NRXN3: variants seen among roughly 807,000 people sequenced by gnomAD.
NRXN3 encodes neurexin III.
Under a neutral mutation model 137.6 loss-of-function variants are expected in NRXN3, and 32 were observed. That is an observed-to-expected ratio of 0.23 (90% CI 0.18 to 0.31). NRXN3 has a LOEUF of 0.31. NRXN3 is among the 10% of genes least tolerant of loss of function. The pLI is 1.00. For missense variants in NRXN3, 1,574 were observed against 2,062.5 expected (o/e 0.76, Z 4.59); for synonymous variants, 798 against 784.5 (o/e 1.02, Z -0.29).
chr14:78,324,103 C>A (rs535675637), intron 4 of NRXN3, among the ~76,000 whole-genome samples: 6 of 152,026 alleles, frequency 3.9e-5, no homozygotes, highest in Non-Finnish European at 8.8e-5. Flanking sequence ...ATGAGAAACC[C>A]GAGCTGGGAT....
At chr14:78,350,874 A>G (rs1050109340) in intron 4 of NRXN3, among the ~76,000 whole-genome samples, 2 of 152,130 alleles carry the variant, frequency 1.3e-5, no homozygotes, top group African/African-American at 2.4e-5. Context: ...TAAAATAGAA[A>G]AATCTGGAGA....
chr14:79,633,046 C>A (rs2098372347), intron 16 of NRXN3, among the ~76,000 whole-genome samples: 1 of 152,118 alleles, frequency 6.6e-6, no homozygotes, highest in South Asian at 2.1e-4. Flanking sequence ...AAGGGATTTG[C>A]TCACAGCCAA....
chr14:78,239,197 C>A (rs1394325606), intron 1 of NRXN3, among the ~76,000 whole-genome samples: 1 of 152,266 alleles, frequency 6.6e-6, no homozygotes, highest in Non-Finnish European at 1.5e-5. Context: ...GTGGCAGACA[C>A]CGTGTTGAAG....
intron 15 of NRXN3, among the ~76,000 whole-genome samples, chr14:79,004,294 A>G (rs2099547703): frequency 6.6e-6 from 1 of 151,958 alleles, no homozygotes; most frequent in African/African-American, 2.4e-5. Context: ...ATCTCACTTT[A>G]TCATGCAGTG....
chr14:79,672,542 A>G (rs1184694524), intron 17 of NRXN3, among the ~76,000 whole-genome samples: 1 of 152,092 alleles, frequency 6.6e-6, no homozygotes, highest in African/African-American at 2.4e-5. Context: ...GTGAGGCATC[A>G]GTAATAACAT....
intron 8 of NRXN3, among the ~76,000 whole-genome samples, chr14:78,734,297 G>A (rs1336095233): frequency 6.6e-6 from 1 of 150,954 alleles, no homozygotes; most frequent in African/African-American, 2.4e-5. Context: ...TTACTTGAGA[G>A]ATAACATAAT....
chr14:78,631,185 C>A (rs2097519228), intron 4 of NRXN3, among the ~76,000 whole-genome samples: 1 of 152,170 alleles, frequency 6.6e-6, no homozygotes, highest in South Asian at 2.1e-4. Context: ...CAACTTCTAT[C>A]AGTAGCAAGA....
chr14:79,850,092 T>C (rs955981416), intron 20 of NRXN3, among the ~76,000 whole-genome samples: 1 of 152,232 alleles, frequency 6.6e-6, no homozygotes, highest in African/African-American at 2.4e-5. Context: ...TGTTTTTGTA[T>C]ATTTCATAGG....
intron 4 of NRXN3, among the ~76,000 whole-genome samples, chr14:78,574,803 A>G (rs778689752): frequency 1.4e-4 from 22 of 152,232 alleles, no homozygotes; most frequent in Non-Finnish European, 2.8e-4. Context: ...TGGGAAGGGC[A>G]TGACTGTTTT....
chr14:78,967,073 A>C, intron 12 of NRXN3, 135 bp from the exon 13 acceptor site: 1 of 699,606 alleles, frequency 1.4e-6, no homozygotes, highest in Non-Finnish European at 2.4e-6. Context: ...ACCTCATATC[A>C]AGATTTAAAT....
At chr14:79,186,763 T>C (rs2063585580) in intron 15 of NRXN3, among the ~76,000 whole-genome samples, 1 of 152,194 alleles carries the variant, frequency 6.6e-6, no homozygotes, top group Non-Finnish European at 1.5e-5. Context: ...TGCACATTCC[T>C]GTCTCATGAC....
intron 20 of NRXN3, among the ~76,000 whole-genome samples, chr14:79,836,563 T>C (rs1467748786): frequency 1.3e-5 from 2 of 152,168 alleles, no homozygotes; most frequent in African/African-American, 4.8e-5. Flanking sequence ...ACCTTTATAA[T>C]AGGAGTTCTC....
chr14:79,141,295 T>C (rs1195021766), intron 15 of NRXN3, among the ~76,000 whole-genome samples: 2 of 152,194 alleles, frequency 1.3e-5, no homozygotes, highest in Admixed American at 6.5e-5. Flanking sequence ...TAGTTTTCCT[T>C]TCCTTCTTTT....
At chr14:78,537,442 C>G (rs2096547082) in intron 4 of NRXN3, among the ~76,000 whole-genome samples, 1 of 152,164 alleles carries the variant, frequency 6.6e-6, no homozygotes, top group Non-Finnish European at 1.5e-5. Flanking sequence ...TCTTTGCCCA[C>G]TTTTTGGTGG....
At chr14:78,224,586 C>A (rs1194684784) in intron 1 of NRXN3, among the ~76,000 whole-genome samples, 4 of 151,960 alleles carry the variant, frequency 2.6e-5, no homozygotes, top group Non-Finnish European at 5.9e-5. Flanking sequence ...TCATCCATGT[C>A]CCTTCAAAGG....
chr14:79,769,633 T>C (rs937479610), intron 19 of NRXN3, among the ~76,000 whole-genome samples: 4 of 151,926 alleles, frequency 2.6e-5, no homozygotes, highest in Non-Finnish European at 5.9e-5. Context: ...GCGCTTAACA[T>C]GGAAAGGAAC....
intron 15 of NRXN3, among the ~76,000 whole-genome samples, chr14:79,122,203 G>A (rs530070694): frequency 6.6e-6 from 1 of 152,200 alleles, no homozygotes; most frequent in African/African-American, 2.4e-5. Context: ...TAACGTGAAG[G>A]TTTTCCAGGG....
intron 2 of NRXN3, among the ~76,000 whole-genome samples, chr14:78,259,422 A>C (rs2070304958): frequency 6.6e-6 from 1 of 152,128 alleles, no homozygotes; most frequent in Non-Finnish European, 1.5e-5. Flanking sequence ...GCTTTGGCTA[A>C]GTTTTTCTGA....
chr14:79,497,931 G>T (rs1307977517), intron 16 of NRXN3, among the ~76,000 whole-genome samples: 5 of 152,076 alleles, frequency 3.3e-5, no homozygotes, highest in Non-Finnish European at 7.4e-5. Context: ...CTACTTGGAA[G>T]GCTGAGGCAA....
Sources: allele counts gnomAD v4.1 joint callset (sites outside exome capture counted in the v4.1 genomes callset), GRCh38; gene constraint gnomAD v4.1.1; transcripts MANE v1.5; gene names NCBI Gene and HGNC (gene_info 2026-07-23, HGNC 2026-07-21).